Variants in AWAT2 observed in about 807,000 individuals in gnomAD.
AWAT2 encodes the protein 11-cis-RE-synthase.
Under a neutral mutation model 22.3 loss-of-function variants are expected in AWAT2, and 9 were observed. That is an observed-to-expected ratio of 0.40 (90% CI 0.24 to 0.70). The LOEUF is 0.70. AWAT2 is among the 30% of genes least tolerant of loss of function. AWAT2 has a pLI of 0.36. For missense variants in AWAT2, 217 were observed against 265.9 expected (o/e 0.82, Z 1.28); for synonymous variants, 100 against 93.4 (o/e 1.07, Z -0.40).
chrX:70,047,563 T>G (rs749915075), intron 1 of AWAT2, among the ~76,000 whole-genome samples: 1 of 112,125 alleles, frequency 8.9e-6, no homozygotes, highest in South Asian at 3.7e-4. Context: ...CCACTTACTG[T>G]GTGTGACCAA....
chrX:70,045,842 C>A (rs771432215), intron 1 of AWAT2, among the ~76,000 whole-genome samples: 8 of 110,808 alleles, frequency 7.2e-5, no homozygotes, highest in Non-Finnish European at 1.3e-4. Flanking sequence ...AAAAAAAGGA[C>A]CCAACAAAGG....
intron 4 of AWAT2, 31 bp downstream of exon 4, chrX:70,043,447 C>A: frequency 8.5e-7 from 1 of 1,170,808 alleles, no homozygotes. Context: ...GCCATTTTTT[C>A]TTTGGCTTTG....
chrX:70,043,779 A>G, intron 3 of AWAT2, 97 bp from the exon 4 acceptor site: 2 of 1,003,299 alleles, frequency 2.0e-6, no homozygotes, highest in Non-Finnish European at 2.7e-6. Flanking sequence ...AGGTCTAGCC[A>G]TGCAGGTTGC....
rs1048537254 is a variant in AWAT2 at position 70,049,305 on chromosome X, G to T, written c.85+543C>A. 2.5e-4 allele frequency among the ~76,000 whole-genome samples: 28 copies of T among 112,412 alleles called. 1 individual carries two copies. Among genetic ancestry groups the T allele is most frequent in the African/African-American group, 9.1e-4 (28 of 30,909 alleles). ...CTTCCCACAGTGATGATTTGTTTCA[G>T]CATTTAGAACACAGTGGCCAGCATA... On this transcript the variant is annotated intron_variant, in intron 1 of 7. Transcript: ENST00000276101.
At chrX:70,045,946 C>G (rs991763390) in intron 1 of AWAT2, among the ~76,000 whole-genome samples, 26 of 111,704 alleles carry the variant, frequency 2.3e-4, no homozygotes, top group Admixed American at 1.9e-4. Flanking sequence ...CATGCATGTA[C>G]TGGCCCATCA....
chrX:70,043,737 T>C lies in AWAT2; in HGVS notation c.268-55A>G. 5.5e-6 allele frequency: 6 copies of C among 1,098,790 alleles called. No homozygotes were observed. The South Asian group carries it at 6.2e-5, about 11-fold the overall frequency. 90.6% of individuals were successfully genotyped at this position (1,098,790 alleles called of 1,213,427 possible). On this transcript the variant is annotated intron_variant, in intron 3 of 7. Coordinates refer to ENST00000276101, the MANE Select transcript of AWAT2 (RefSeq NM_001002254.1). ...ATTCCCAGGGTAGAGAACTTCTCTTTTGGGCAGAGATCTGAAAGGAAAAGG... is the reference window on the plus strand; with the variant it reads ...ATTCCCAGGGTAGAGAACTTCTCTTCTGGGCAGAGATCTGAAAGGAAAAGG...
Position 70,042,281 on chromosome X carries a change from G to A in AWAT2, c.753C>T (p.Ser251=), listed in dbSNP as rs760843361. ...FVNRFQKWFQ[S]MVHIYPCAFY... ...AAGCACAAGGGTAGATGTGTACCAT[G>A]CTCTGGAACCACTTCTGGAAGCGGT... Residue 251 remains serine (S), a synonymous_variant, in exon 6 of 8, where the codon AGC becomes AGT. Transcript: ENST00000276101. The A allele has an allele frequency of 1.7e-6, 2 of 1,211,337 alleles. No individual in the cohort carries two copies. Among genetic ancestry groups the A allele is most frequent in the South Asian group, 1.8e-5 (1 of 56,975 alleles).
chrX:70,042,123 G>A, intron 6 of AWAT2, 64 bp downstream of exon 6: 7 of 1,122,581 alleles, frequency 6.2e-6, no homozygotes, highest in Non-Finnish European at 8.4e-6. Context: ...TCAGAGCTGA[G>A]GTTCAGCCTC....
rs1180565457 is a variant in AWAT2, at chrX:70,043,148, A to G, written c.568T>C (p.Cys190Arg). The G allele has an allele frequency of 8.3e-7, 1 of 1,205,527 alleles. No individual in the cohort carries two copies. The highest frequency in any genetic ancestry group is 1.1e-6 in the Non-Finnish European group (1 of 892,512). ...GAAGAACCTGGCAGGCTGTATCTGC[A>G]CTCAGCCAGTCCACCAATCACCACA... ...VIVVIGGLAE[C>R]RYSLPGSSTL... is the part of the protein sequence containing the mutation. The change falls in exon 5 of 8, where the codon TGC (cysteine) becomes CGC (arginine). Residue 190 changes from cysteine (C) to arginine (R), a missense_variant. Transcript: ENST00000276101.
intron 5 of AWAT2, 68 bp downstream of exon 5, chrX:70,043,001 C>A: frequency 1.1e-6 from 1 of 907,705 alleles, no homozygotes; most frequent in Non-Finnish European, 1.4e-6. Context: ...TCATCAAAAC[C>A]CCCTCTTCTT....
At position 70,049,923 on chromosome X, in the gene AWAT2, G is replaced by A; in HGVS notation, c.10C>T (p.Pro4Ser). The A allele has an allele frequency of 1.7e-6, 2 of 1,211,221 alleles. No homozygotes were observed. The highest frequency in any genetic ancestry group is 2.2e-6 in the Non-Finnish European group (2 of 895,302). ...GCAGTCTTGAGGTCCTTCTTAGAGG[G>A]CAAGAGCATTGTGCCCAGCGTCCCA... MLL[P>S]SKKDLKTALD... Residue 4 changes from proline (P) to serine (S), a missense_variant, in exon 1 of 8, where the codon CCC becomes TCC. Pro to Ser is a moderately conservative substitution (Grantham distance 74). Transcript: ENST00000276101.
At chrX:70,042,625 G>A in intron 5 of AWAT2, 1 of 446,010 alleles carries the variant, frequency 2.2e-6, no homozygotes, top group South Asian at 3.2e-5. Flanking sequence ...GAACCCCTGG[G>A]TCTGAAACGC....
chrX:70,046,137 A>G (rs902757428), intron 1 of AWAT2, among the ~76,000 whole-genome samples: 22 of 111,936 alleles, frequency 2.0e-4, no homozygotes, highest in Non-Finnish European at 3.8e-5. Flanking sequence ...ATTTGCCCGT[A>G]CTGAGAGATT....
chrX:70,042,844 T>C (rs747683461), intron 5 of AWAT2: 1 of 396,079 alleles, frequency 2.5e-6, no homozygotes, highest in African/African-American at 2.6e-5. Flanking sequence ...TGGCCCCAGC[T>C]CTTCAACCCA....
intron 5 of AWAT2, 125 bp from the exon 6 acceptor site, chrX:70,042,511 C>T (rs1446038535): frequency 1.4e-6 from 1 of 690,078 alleles, no homozygotes; most frequent in Admixed American, 2.6e-5. Context: ...TCCAGCTGTG[C>T]CTAGGTCCAA....
chrX:70,044,642 A>G (rs1353235020), intron 1 of AWAT2, among the ~76,000 whole-genome samples, 180 bp from the exon 2 acceptor site: 1 of 112,012 alleles, frequency 8.9e-6, no homozygotes, highest in African/African-American at 3.2e-5. Flanking sequence ...CCCCTCTTCT[A>G]TCTGGCCTTG....
intron 1 of AWAT2, among the ~76,000 whole-genome samples, chrX:70,046,090 G>A (rs943474400): frequency 9.0e-6 from 1 of 111,587 alleles, no homozygotes; most frequent in African/African-American, 3.3e-5. Flanking sequence ...ATGTTCTAAA[G>A]GAAATAAAAG....
chrX:70,044,198 C>A (rs1160932104), intron 2 of AWAT2, among the ~76,000 whole-genome samples, 154 bp downstream of exon 2: 1 of 112,139 alleles, frequency 8.9e-6, no homozygotes, highest in Non-Finnish European at 1.9e-5. Context: ...GCCTTTCTAC[C>A]ACCTTAAAAG....
At chrX:70,042,898 A>C in intron 5 of AWAT2, 171 bp downstream of exon 5, 3 of 431,889 alleles carry the variant, frequency 6.9e-6, no homozygotes, top group Non-Finnish European at 7.0e-6. Context: ...TAACTTATTT[A>C]TTTTTTTAAT....
Sources: allele counts gnomAD v4.1 joint callset (sites outside exome capture counted in the v4.1 genomes callset), GRCh38; gene constraint gnomAD v4.1.1; transcripts MANE v1.5; gene names NCBI Gene and HGNC (gene_info 2026-07-23, HGNC 2026-07-21).